UBE2B: variants seen among roughly 807,000 people sequenced by gnomAD.
UBE2B encodes ubiquitin-conjugating enzyme E2 B.
A neutral mutation model predicts 24.6 loss-of-function variants in UBE2B; 11 were observed. That is an observed-to-expected ratio of 0.45 (90% confidence interval 0.28 to 0.74). The LOEUF is 0.74. Among genes scored for constraint, UBE2B ranks in the 30% least tolerant of loss-of-function variants. UBE2B has a pLI of 0.13. For missense variants in UBE2B, 78 were observed against 185.6 expected (o/e 0.42, Z 3.37); for synonymous variants, 68 against 62.4 (o/e 1.09, Z -0.42).
intron 4 of UBE2B, among the ~76,000 whole-genome samples, chr5:134,383,386 C>T (rs917609285): frequency 6.0e-5 from 9 of 151,238 alleles, no homozygotes; most frequent in East Asian, 3.9e-4. Flanking sequence ...CTCGACTCAT[C>T]GCAACCATTA....
At chr5:134,386,267 G>A (rs1216580572) in intron 4 of UBE2B, among the ~76,000 whole-genome samples, 1 of 151,572 alleles carries the variant, frequency 6.6e-6, no homozygotes, top group South Asian at 2.1e-4. Flanking sequence ...GGTGGAGGTT[G>A]CAGTGAGCCG....
chr5:134,386,724 G>GT (rs1339652497), intron 4 of UBE2B, among the ~76,000 whole-genome samples: 1 of 151,874 alleles, frequency 6.6e-6, no homozygotes, highest in African/African-American at 2.4e-5. Context: ...TCTTAGAAAT[G>GT]TTTTTTGACT....
intron 3 of UBE2B, among the ~76,000 whole-genome samples, chr5:134,378,953 G>A (rs1475900682): frequency 2.0e-5 from 3 of 151,908 alleles, no homozygotes; most frequent in Non-Finnish European, 2.9e-5. Context: ...AAAACAGTGG[G>A]GGGATCTAAG....
At chr5:134,376,336 A>ATATATATATATATAT (rs1412262320) in intron 2 of UBE2B, among the ~76,000 whole-genome samples, 1 of 4,116 alleles carries the variant, frequency 2.4e-4, no homozygotes, top group Non-Finnish European at 7.6e-4. Context: ...AAAAAAAAAA[A>ATATATATATATATAT]AAAAAAAAAA....
chr5:134,376,385 T>C (rs756289263), intron 2 of UBE2B, among the ~76,000 whole-genome samples: 5 of 90,860 alleles, frequency 5.5e-5, no homozygotes, highest in Non-Finnish European at 1.1e-4. Context: ...ACAAAATGAC[T>C]GGTCAGTATT....
chr5:134,376,603 A>C, intron 2 of UBE2B, 66 bp from the exon 3 acceptor site: 1 of 1,537,972 alleles, frequency 6.5e-7, no homozygotes, highest in African/African-American at 1.4e-5. Context: ...TATCCTTTCC[A>C]TTCTTGAAAA....
At chr5:134,388,502 T>G in intron 5 of UBE2B, 89 bp downstream of exon 5, 1 of 1,193,000 alleles carries the variant, frequency 8.4e-7, no homozygotes, top group Non-Finnish European at 1.2e-6. Context: ...ATGGCAGAGC[T>G]TGGACAAGAA....
intron 3 of UBE2B, among the ~76,000 whole-genome samples, chr5:134,379,107 A>G (rs1408055159): frequency 6.6e-6 from 1 of 152,172 alleles, no homozygotes; most frequent in Admixed American, 6.6e-5. Flanking sequence ...GAATATGGCA[A>G]CATTTGGAGG....
At position 134,390,153 on chromosome 5, in the gene UBE2B, T is replaced by C; in HGVS notation, c.331-72T>C. 1.0e-5 allele frequency: 16 copies of C among 1,577,068 alleles called. No homozygotes were observed. Among genetic ancestry groups the C allele is most frequent in the Non-Finnish European group, 1.4e-5 (16 of 1,152,386 alleles). ...TGTTTTGTATAACTTTTCTGTAATA[T>C]ATTCCATATCTGACCCCTGTTGGTA... is the stretch of plus-strand genomic sequence containing the variant. On this transcript the variant is annotated intron_variant, in intron 5 of 5. Transcript: ENST00000265339. This position sits in a 1 kb window ranked among gnomAD's most constrained non-coding sequence, Gnocchi z 4.6.
chr5:134,384,085 CTT>C (rs1267113929), intron 4 of UBE2B, among the ~76,000 whole-genome samples: 1 of 152,202 alleles, frequency 6.6e-6, no homozygotes, highest in Non-Finnish European at 1.5e-5. Context: ...ATGTGAAAGA[CTT>C]CTCCAAATTC....
chr5:134,373,934 G>A (rs1026664936), intron 1 of UBE2B, among the ~76,000 whole-genome samples: 37 of 152,092 alleles, frequency 2.4e-4, no homozygotes, highest in African/African-American at 6.0e-4. Context: ...GAGTAGTGCC[G>A]CAATAAACAT....
At chr5:134,373,070 G>C (rs1217143574) in intron 1 of UBE2B, among the ~76,000 whole-genome samples, 1 of 152,188 alleles carries the variant, frequency 6.6e-6, no homozygotes, top group Non-Finnish European at 1.5e-5. Flanking sequence ...GAGATCTGCA[G>C]GTTACAAGAA....
At chr5:134,381,840 A>G (rs1758715553) in intron 4 of UBE2B, among the ~76,000 whole-genome samples, 1 of 152,208 alleles carries the variant, frequency 6.6e-6, no homozygotes, top group Non-Finnish European at 1.5e-5. Flanking sequence ...GCTACTCAGG[A>G]GGCTGAGACA....
intron 3 of UBE2B, among the ~76,000 whole-genome samples, chr5:134,380,076 T>C (rs1758684663): frequency 6.6e-6 from 1 of 152,080 alleles, no homozygotes; most frequent in South Asian, 2.1e-4. Flanking sequence ...CATACCCAGC[T>C]CATTTTTGTA....
chr5:134,376,786 C>T, intron 3 of UBE2B, 92 bp downstream of exon 3: 1 of 1,283,526 alleles, frequency 7.8e-7, no homozygotes, highest in Non-Finnish European at 1.1e-6. Context: ...AAGCCATTTT[C>T]TATGGTTAAT....
intron 4 of UBE2B, 28 bp from the exon 5 acceptor site, chr5:134,388,297 G>T: frequency 6.3e-7 from 1 of 1,587,352 alleles, no homozygotes; most frequent in Non-Finnish European, 8.6e-7. Flanking sequence ...GGCAGAGTGT[G>T]TAACTAATTT....
intron 3 of UBE2B, among the ~76,000 whole-genome samples, chr5:134,378,794 T>C (rs993883100): frequency 1.3e-5 from 2 of 152,092 alleles, no homozygotes; most frequent in African/African-American, 4.8e-5. Flanking sequence ...CTCGGTGTGG[T>C]GGCGGGCACC....
At chr5:134,377,725 G>A (rs1000349605) in intron 3 of UBE2B, among the ~76,000 whole-genome samples, 5 of 152,164 alleles carry the variant, frequency 3.3e-5, no homozygotes, top group East Asian at 1.9e-4. Context: ...AGACCCTCTC[G>A]GGGGACCCAT....
chr5:134,371,893 C>T (rs1018988706), intron 1 of UBE2B, among the ~76,000 whole-genome samples: 5 of 152,184 alleles, frequency 3.3e-5, no homozygotes, highest in African/African-American at 4.8e-5. Context: ...GTCTAGGGTT[C>T]CCTGCTGCCC....
Sources: gnomAD v4.1 joint callset for allele counts (sites outside exome capture counted in the v4.1 genomes callset) on GRCh38, gnomAD v4.1.1 for gene constraint, Gnocchi (gnomAD v3.1) non-coding constraint, MANE v1.5 for transcripts, NCBI Gene and HGNC (gene_info 2026-07-23, HGNC 2026-07-21) for gene names.